The following PDE1A variants were observed in gnomAD, a reference collection of about 807,000 sequenced individuals.
The protein encoded by PDE1A is dual specificity calcium/calmodulin-dependent 3',5'-cyclic nucleotide phosphodiesterase 1A.
PDE1A carries 35 observed loss-of-function variants against 61.7 expected under a neutral mutation model. The observed-to-expected ratio is 0.57, with a 90% CI of 0.43 to 0.75. PDE1A has a LOEUF of 0.75. Among genes scored for constraint, PDE1A ranks in the 30% least tolerant of loss-of-function variants. PDE1A has a pLI of 0.00. For synonymous variants in PDE1A, 232 were observed against 213.2 expected, an observed-to-expected ratio of 1.09 and a Z score of -0.77; for missense variants, 597 against 630.6, an observed-to-expected ratio of 0.95 and a Z score of 0.57.
rs376655656 is a variant in PDE1A, at chr2:182,168,205, A to C, written c.*42T>G. 96 of 1,568,422 alleles carry C rather than the reference A, an allele frequency of 6.1e-5. 2 individuals are homozygous for C. Among genetic ancestry groups the C allele is most frequent in the Admixed American group, 5.1e-4 (24 of 46,894 alleles). On this transcript the variant is annotated 3_prime_UTR_variant, in exon 14 of 14. Coordinates refer to ENST00000351439, the Ensembl canonical transcript of PDE1A. ...TCAAAATCTCCAAGTCTTTTGGTCAAATTAGAGCTGCCACCATGCACGAGG... is the reference window on the plus strand; with the variant it reads ...TCAAAATCTCCAAGTCTTTTGGTCACATTAGAGCTGCCACCATGCACGAGG...
intron 1 of PDE1A, among the ~76,000 whole-genome samples, chr2:182,298,435 CTATA>C (rs1695029890): frequency 6.6e-6 from 1 of 152,042 alleles, no homozygotes; most frequent in African/African-American, 2.4e-5. Flanking sequence ...CCAGTAAGTC[CTATA>C]TGGTGAAGTA....
At chr2:182,645,274 C>CCA in the PDE1A span, among the ~76,000 whole-genome samples, 2 of 76,760 alleles carry the variant, frequency 2.6e-5, no homozygotes, top group East Asian at 3.8e-4. Flanking sequence ...GCGTGAGCCA[C>CCA]CGCCTCTTCT....
At chr2:182,713,068 T>A in the PDE1A span, among the ~76,000 whole-genome samples, 3 of 152,174 alleles carry the variant, frequency 2.0e-5, no homozygotes, top group Non-Finnish European at 4.4e-5. Flanking sequence ...CCCATGCTCT[T>A]TTGAAGTACA....
At chr2:182,404,440 T>A (rs1209940307) in intron 1 of PDE1A, among the ~76,000 whole-genome samples, 1 of 152,220 alleles carries the variant, frequency 6.6e-6, no homozygotes, top group Non-Finnish European at 1.5e-5. Flanking sequence ...ACTAAATTTG[T>A]TTTTTAAATG....
chr2:182,630,565 A>G, the PDE1A span, among the ~76,000 whole-genome samples: 3 of 152,184 alleles, frequency 2.0e-5, no homozygotes, highest in African/African-American at 7.2e-5. Flanking sequence ...TAAAAAAAAA[A>G]AAACTTACCT....
intron 11 of PDE1A, among the ~76,000 whole-genome samples, chr2:182,187,176 T>C (rs986865715): frequency 5.9e-5 from 9 of 152,260 alleles, no homozygotes; most frequent in African/African-American, 2.2e-4. Context: ...CATGTGTGTG[T>C]GTTCTGTCAA....
At chr2:182,691,289 G>T in the PDE1A span, among the ~76,000 whole-genome samples, 3 of 152,140 alleles carry the variant, frequency 2.0e-5, no homozygotes, top group Non-Finnish European at 2.9e-5. Context: ...ATACTACAAG[G>T]CTACAGTAAC....
upstream of PDE1A, among the ~76,000 whole-genome samples, chr2:182,525,001 T>C (rs1218764747): frequency 6.6e-6 from 1 of 151,894 alleles, no homozygotes; most frequent in Admixed American, 6.6e-5. Context: ...ACATATACTC[T>C]AAATCTAGAC....
intron 1 of PDE1A, among the ~76,000 whole-genome samples, chr2:182,293,286 A>G (rs1694657725): frequency 1.3e-5 from 2 of 152,158 alleles, no homozygotes. Context: ...AAATAACGCA[A>G]CAACCCTTGT....
At chr2:182,311,323 T>C (rs1695954884) in intron 1 of PDE1A, among the ~76,000 whole-genome samples, 1 of 152,242 alleles carries the variant, frequency 6.6e-6, no homozygotes, top group African/African-American at 2.4e-5. Flanking sequence ...CTGTTTCATG[T>C]GCATAAATAT....
At chr2:182,372,769 G>T (rs1700186521) in intron 1 of PDE1A, among the ~76,000 whole-genome samples, 1 of 152,194 alleles carries the variant, frequency 6.6e-6, no homozygotes, top group African/African-American at 2.4e-5. Context: ...CTGGCTGATT[G>T]CTCAGGAGTG....
intron 2 of PDE1A, among the ~76,000 whole-genome samples, chr2:182,459,193 T>C (rs1686117226): frequency 6.6e-6 from 1 of 152,140 alleles, no homozygotes; most frequent in Admixed American, 6.6e-5. Context: ...AAGATTAATA[T>C]TTAGTTAATG....
chr2:182,572,290 T>C, the PDE1A span, among the ~76,000 whole-genome samples: 3 of 152,160 alleles, frequency 2.0e-5, no homozygotes, highest in Non-Finnish European at 4.4e-5. Flanking sequence ...AGAAAATTCA[T>C]ACAATAATCT....
intron 1 of PDE1A, among the ~76,000 whole-genome samples, chr2:182,296,810 C>G (rs984074439): frequency 6.6e-6 from 1 of 152,200 alleles, no homozygotes. Context: ...ATTGCTCTCA[C>G]TCATGTTGAG....
intron 1 of PDE1A, among the ~76,000 whole-genome samples, chr2:182,375,942 G>T (rs1052452186): frequency 9.9e-5 from 15 of 152,214 alleles, no homozygotes; most frequent in East Asian, 3.9e-4. Flanking sequence ...CTCTACGTTT[G>T]CCCCTTTCAG....
At chr2:182,274,430 A>C (rs1463858357) in intron 1 of PDE1A, among the ~76,000 whole-genome samples, 1 of 152,144 alleles carries the variant, frequency 6.6e-6, no homozygotes, top group Non-Finnish European at 1.5e-5. Flanking sequence ...AAAATATCTA[A>C]AAACAGAAAT....
intron 1 of PDE1A, among the ~76,000 whole-genome samples, chr2:182,404,055 TTA>T (rs1353847441): frequency 1.3e-5 from 2 of 151,654 alleles, no homozygotes; most frequent in African/African-American, 2.4e-5. Flanking sequence ...AATTTTTTTT[TTA>T]AAAAAAGTCA....
At chr2:182,170,249 T>A (rs935815612) in intron 13 of PDE1A, among the ~76,000 whole-genome samples, 4 of 152,108 alleles carry the variant, frequency 2.6e-5, no homozygotes, top group Admixed American at 2.0e-4. Context: ...AGCTTCACTT[T>A]TGTCAGACTA....
intron 13 of PDE1A, among the ~76,000 whole-genome samples, chr2:182,177,167 C>T (rs1574573435): frequency 6.6e-6 from 1 of 151,728 alleles, no homozygotes; most frequent in South Asian, 2.1e-4. Context: ...TGTGTCTCTG[C>T]CTGGCTTTGG....
Sources: allele counts gnomAD v4.1 joint callset (sites outside exome capture counted in the v4.1 genomes callset), GRCh38; gene constraint gnomAD v4.1.1; transcripts MANE v1.5; gene names NCBI Gene and HGNC (gene_info 2026-07-23, HGNC 2026-07-21).